The following CCDC141 variants were observed in gnomAD, a reference collection of about 807,000 sequenced individuals.
CCDC141 encodes coiled-coil domain-containing protein 141.
In CCDC141, 168 loss-of-function variants were observed where a neutral mutation model predicts 181.0. The observed-to-expected ratio is 0.93, with a 90% CI of 0.82 to 1.05. CCDC141 has a LOEUF of 1.05. Among genes scored for constraint, CCDC141 ranks in the 50% least tolerant of loss-of-function variants. The pLI, the probability that CCDC141 is intolerant of heterozygous loss-of-function variation, is 0.00. For synonymous variants in CCDC141, 666 were observed against 642.3 expected (o/e 1.04, Z -0.56); for missense variants, 1,902 against 1,788.5 (o/e 1.06, Z -1.14).
chr2:178,856,096 A>G (rs1013353413), intron 18 of CCDC141, among the ~76,000 whole-genome samples, 161 bp downstream of exon 18: 1 of 152,240 alleles, frequency 6.6e-6, no homozygotes, highest in Non-Finnish European at 1.5e-5. Flanking sequence ...TTTTTACATG[A>G]AGGATAAAAT....
At chr2:178,988,957 G>T (rs1383503465) in intron 2 of CCDC141, among the ~76,000 whole-genome samples, 1 of 151,970 alleles carries the variant, frequency 6.6e-6, no homozygotes. Context: ...ACATGTAAAA[G>T]AATAAAATTG....
At chr2:178,838,034 T>A (rs1684564117) in intron 22 of CCDC141, among the ~76,000 whole-genome samples, 1 of 152,098 alleles carries the variant, frequency 6.6e-6, no homozygotes, top group Non-Finnish European at 1.5e-5. Flanking sequence ...AGTGAAGGGG[T>A]TGGACTAGAT....
chr2:178,817,529 A>G, the CCDC141 span: 2 of 471,094 alleles, frequency 4.2e-6, no homozygotes, highest in South Asian at 3.1e-5. Context: ...GACCTACTTC[A>G]GTATCTCCAG....
chr2:178,922,126 A>G (rs1410293842), intron 6 of CCDC141, among the ~76,000 whole-genome samples: 2 of 152,200 alleles, frequency 1.3e-5, no homozygotes, highest in African/African-American at 4.8e-5. Flanking sequence ...AACAACACTA[A>G]GCTCTAGGAT....
intron 7 of CCDC141, among the ~76,000 whole-genome samples, chr2:178,916,121 T>C (rs966677326): frequency 6.6e-6 from 1 of 152,174 alleles, no homozygotes. Flanking sequence ...CTTGAGAGCA[T>C]GACTTCCTCT....
intron 11 of CCDC141, among the ~76,000 whole-genome samples, chr2:178,881,112 C>A (rs1294169239): frequency 6.6e-6 from 1 of 152,024 alleles, no homozygotes; most frequent in Non-Finnish European, 1.5e-5. Context: ...ACCCACCACG[C>A]TTTAAGAACA....
intron 11 of CCDC141, among the ~76,000 whole-genome samples, chr2:178,881,764 C>T (rs749670142): frequency 7.2e-5 from 11 of 152,010 alleles, no homozygotes; most frequent in Middle Eastern, 3.4e-3. Context: ...CTTGGTGGCA[C>T]GTACCTGTAG....
intron 9 of CCDC141, 51 bp downstream of exon 9, chr2:178,888,476 A>G: frequency 6.6e-7 from 1 of 1,514,850 alleles, no homozygotes; most frequent in South Asian, 1.2e-5. Context: ...GCCCTACCAT[A>G]TCATCTATTA....
Position 178,856,345 on chromosome 2 carries a change from T to A in CCDC141, c.2777A>T (p.Asn926Ile), listed in dbSNP as rs150493199. The part of the protein sequence containing the change: ...IKKKFNNLKF[N>I]YTKKNEKSRN... Reference sequence around the variant, plus strand: ...AGATTTTTCATTTTTCTTAGTGTAATTAAACTTCAAATTATTGAATTTCTT... The same window carrying A: ...AGATTTTTCATTTTTCTTAGTGTAAATAAACTTCAAATTATTGAATTTCTT... Residue 926 changes from asparagine (N) to isoleucine (I), a missense_variant, in exon 18 of 24, where the codon AAT (asparagine) becomes ATT (isoleucine). Transcript: ENST00000443758. 509 of 1,607,510 alleles carry A rather than the reference T, an allele frequency of 3.2e-4. 2 individuals carry two copies. The highest frequency in any genetic ancestry group is 3.7e-4 in the Non-Finnish European group (431 of 1,175,622).
At chr2:178,989,916 G>C (rs1442736509) in intron 2 of CCDC141, among the ~76,000 whole-genome samples, 1 of 150,054 alleles carries the variant, frequency 6.7e-6, no homozygotes, top group South Asian at 2.1e-4. Flanking sequence ...GAGGCAGGCG[G>C]ATCACCTGAG....
chr2:178,918,772 T>C lies in CCDC141; in HGVS notation c.1033A>G (p.Met345Val), dbSNP rs1688561781. 1.9e-6 allele frequency: 3 copies of C among 1,550,276 alleles called. No homozygotes were observed. Among genetic ancestry groups the C allele is most frequent in the East Asian group, 2.4e-5 (1 of 40,914 alleles). Residue 345 changes from methionine (M) to valine (V), a missense_variant, in exon 7 of 24, where the codon ATG (methionine) becomes GTG (valine). Physicochemically the swap from Met to Val is conservative, Grantham distance 21. Transcript: ENST00000443758. ...TTTAACCAGGTATTCCTTTCCACCA[T>C]GAGTTGACCAAATTCTTCTTGAAGC... ...SQLQEEFGQL[M>V]VERNTWLKKA...
chr2:179,014,847 A>G (rs560039630), intron 2 of CCDC141, among the ~76,000 whole-genome samples: 7 of 151,982 alleles, frequency 4.6e-5, no homozygotes, highest in African/African-American at 1.4e-4. Flanking sequence ...TACAACCACT[A>G]TGGAAAACAG....
intron 2 of CCDC141, among the ~76,000 whole-genome samples, chr2:178,979,981 A>T (rs937610070): frequency 6.6e-6 from 1 of 152,224 alleles, no homozygotes; most frequent in Non-Finnish European, 1.5e-5. Flanking sequence ...ACATAATCTC[A>T]ACATCTAGGA....
At chr2:178,838,366 T>C (rs1017107776) in intron 22 of CCDC141, among the ~76,000 whole-genome samples, 9 of 152,198 alleles carry the variant, frequency 5.9e-5, no homozygotes, top group Non-Finnish European at 1.2e-4. Context: ...ATCTTTCCAA[T>C]TGAAATTCTG....
intron 5 of CCDC141, among the ~76,000 whole-genome samples, chr2:178,956,700 T>C (rs1303379761): frequency 2.6e-5 from 4 of 152,236 alleles, no homozygotes; most frequent in African/African-American, 9.6e-5. Flanking sequence ...TTAATTTTTG[T>C]TCAAGTGCTG....
chr2:178,986,916 C>A (rs1375698486), intron 2 of CCDC141, among the ~76,000 whole-genome samples: 1 of 151,870 alleles, frequency 6.6e-6, no homozygotes, highest in African/African-American at 2.4e-5. Context: ...AGATTCAATG[C>A]CATCCCCATC....
At chr2:178,882,183 C>T (rs374126419) in intron 11 of CCDC141, among the ~76,000 whole-genome samples, 186 of 151,970 alleles carry the variant, frequency 1.2e-3, no homozygotes, top group African/African-American at 4.3e-3. Context: ...ACCAGTCTGA[C>T]CAACATGGAG....
chr2:179,016,810 G>C (rs916608928), intron 2 of CCDC141, among the ~76,000 whole-genome samples: 3 of 152,100 alleles, frequency 2.0e-5, no homozygotes, highest in African/African-American at 7.2e-5. Context: ...TTTGGCATCA[G>C]GGTGGATGGT....
At chr2:178,883,848 A>G (rs1047434480) in intron 11 of CCDC141, among the ~76,000 whole-genome samples, 2 of 152,148 alleles carry the variant, frequency 1.3e-5, no homozygotes, top group African/African-American at 4.8e-5. Flanking sequence ...CCAGTGTACT[A>G]GAGGGAATAT....
Sources: gnomAD v4.1 joint callset for allele counts (sites outside exome capture counted in the v4.1 genomes callset) on GRCh38, gnomAD v4.1.1 for gene constraint, MANE v1.5 for transcripts, NCBI Gene and HGNC (gene_info 2026-07-23, HGNC 2026-07-21) for gene names.